Variants in CBY1 observed in about 807,000 individuals in gnomAD.
CBY1 encodes the protein protein chibby homolog 1.
In CBY1, 10 loss-of-function variants were observed where a neutral mutation model predicts 15.6. That is an observed-to-expected ratio of 0.64 (90% confidence interval 0.40 to 1.09). CBY1 has a LOEUF of 1.09. CBY1 is among the 50% of genes least tolerant of loss of function. CBY1 has a pLI of 0.01. For synonymous variants in CBY1, 61 were observed against 63.5 expected, an observed-to-expected ratio of 0.96 and a Z score of 0.19; for missense variants, 150 against 160.5, an observed-to-expected ratio of 0.93 and a Z score of 0.35.
rs2145779775 is a variant in CBY1 at position 38,662,230 on chromosome 22, A to C, written c.-39+5480A>C. Reference sequence around the variant, plus strand: ...GGTGGGAGAATCGCTTGAACCTGGGAGGTTGAGGCTGCAGTGAGCCGAGAT... The same window carrying C: ...GGTGGGAGAATCGCTTGAACCTGGGCGGTTGAGGCTGCAGTGAGCCGAGAT... On this transcript the variant is annotated intron_variant, in intron 1 of 4. Coordinates refer to ENST00000216029, the MANE Select transcript of CBY1 (RefSeq NM_015373.4). Among the ~76,000 whole-genome samples, 3 of 151,454 alleles carry C rather than the reference A, an allele frequency of 2.0e-5. No individual in the cohort carries two copies. In the South Asian group the frequency reaches 6.3e-4, roughly 32 times the overall value.
At chr22:38,668,976 G>A (rs1392496400) in intron 2 of CBY1, among the ~76,000 whole-genome samples, 2 of 152,180 alleles carry the variant, frequency 1.3e-5, no homozygotes, top group Non-Finnish European at 2.9e-5. Flanking sequence ...CCATGTGTGA[G>A]AGATGCAGAT....
At chr22:38,668,375 T>C in intron 2 of CBY1, 1 of 384,556 alleles carries the variant, frequency 2.6e-6, no homozygotes, top group East Asian at 5.2e-5. Context: ...TCCAAATTTT[T>C]TTTTTCTTTT....
chr22:38,664,774 C>T (rs2092431444), intron 1 of CBY1, among the ~76,000 whole-genome samples: 1 of 152,048 alleles, frequency 6.6e-6, no homozygotes, highest in African/African-American at 2.4e-5. Context: ...TAGTTATACC[C>T]CTAAGTATGG....
At chr22:38,662,830 A>G (rs1304900892) in intron 1 of CBY1, among the ~76,000 whole-genome samples, 1 of 152,188 alleles carries the variant, frequency 6.6e-6, no homozygotes, top group Non-Finnish European at 1.5e-5. Flanking sequence ...ATACAATACA[A>G]GCACTAATCA....
chr22:38,664,470 CAA>C (rs35322853), intron 1 of CBY1, among the ~76,000 whole-genome samples: 11 of 92,002 alleles, frequency 1.2e-4, no homozygotes, highest in East Asian at 5.9e-4. Flanking sequence ...GACTCCATCT[CAA>C]AAAAAAAAAA....
chr22:38,669,198 C>T (rs908638500), intron 2 of CBY1, among the ~76,000 whole-genome samples: 3 of 152,088 alleles, frequency 2.0e-5, no homozygotes, highest in Non-Finnish European at 4.4e-5. Flanking sequence ...ATTAGTTCCC[C>T]GTTATTACAG....
chr22:38,673,079 C>A (rs1378928653), intron 4 of CBY1, 80 bp from the exon 5 acceptor site: 2 of 937,378 alleles, frequency 2.1e-6, no homozygotes, highest in East Asian at 5.1e-5. Context: ...GCCTTTCCTC[C>A]GTGTGTAGGG....
chr22:38,657,132 CTTAGAA>C (rs1466850468), intron 1 of CBY1: 1 of 982,442 alleles, frequency 1.0e-6, no homozygotes, highest in Non-Finnish European at 1.2e-6. Flanking sequence ...CCCTTGTTTT[CTTAGAA>C]TTAAAGTAAG....
intron 1 of CBY1, among the ~76,000 whole-genome samples, chr22:38,661,627 T>C (rs954726304): frequency 1.3e-5 from 2 of 152,248 alleles, no homozygotes; most frequent in African/African-American, 4.8e-5. Flanking sequence ...TCATTAATTT[T>C]AGTGAGATCA....
intron 1 of CBY1, among the ~76,000 whole-genome samples, chr22:38,661,890 G>T (rs2092423163): frequency 6.6e-6 from 1 of 152,308 alleles, no homozygotes; most frequent in East Asian, 1.9e-4. Flanking sequence ...CGCCCAGGAG[G>T]AGCAGTGAGA....
intron 2 of CBY1, 61 bp downstream of exon 2, chr22:38,668,193 C>A: frequency 9.9e-7 from 1 of 1,008,756 alleles, no homozygotes; most frequent in Non-Finnish European, 1.6e-6. Context: ...GAGCGTGTCT[C>A]TGAATGGAAA....
chr22:38,671,215 C>A (rs2092451580), intron 4 of CBY1, 27 bp downstream of exon 4: 1 of 1,499,060 alleles, frequency 6.7e-7, no homozygotes, highest in Admixed American at 1.7e-5. Context: ...GGAAGAGAGG[C>A]CTAGCTTCTC....
At chr22:38,660,921 G>A (rs1242054092) in intron 1 of CBY1, among the ~76,000 whole-genome samples, 12 of 151,986 alleles carry the variant, frequency 7.9e-5, no homozygotes, top group Non-Finnish European at 1.5e-4. Context: ...TAAGATTACA[G>A]ACATAAGATT....
At chr22:38,669,320 G>A (rs111250990) in intron 2 of CBY1, among the ~76,000 whole-genome samples, 11 of 152,104 alleles carry the variant, frequency 7.2e-5, no homozygotes, top group African/African-American at 2.4e-4. Context: ...CCCAAGCCCC[G>A]TGTGAACCTC....
chr22:38,667,363 C>T (rs926974566), intron 1 of CBY1, among the ~76,000 whole-genome samples: 1 of 151,988 alleles, frequency 6.6e-6, no homozygotes. Flanking sequence ...GACTGGAGAG[C>T]AGCAGTGGAC....
At chr22:38,669,931 T>C (rs2092447627) in intron 2 of CBY1, 2 of 150,944 alleles carry the variant, frequency 1.3e-5, no homozygotes. Context: ...GACTCTACTT[T>C]AAAAAATACA....
At chr22:38,659,811 G>A (rs55670329) in intron 1 of CBY1, among the ~76,000 whole-genome samples, 5 of 137,268 alleles carry the variant, frequency 3.6e-5, no homozygotes, top group Non-Finnish European at 7.5e-5. Context: ...GCAGTGAGCC[G>A]ACATCGCACC....
In CBY1 at chr22:38,673,330, T is replaced by C; in HGVS notation, c.*94T>C. ...TTCAGTCCTGGAAGAGAGTATCATATAATGAGACCCACAGGCACTGGCACC... is the reference window on the plus strand; with the variant it reads ...TTCAGTCCTGGAAGAGAGTATCATACAATGAGACCCACAGGCACTGGCACC... On this transcript the variant is annotated 3_prime_UTR_variant, in exon 5 of 5. Transcript: ENST00000216029. 1.3e-6 allele frequency: 1 copy of C among 782,140 alleles called. No individual in the cohort carries two copies. 48.5% of individuals were successfully genotyped at this position (782,140 alleles called of 1,614,324 possible). A position where few individuals can be genotyped will look rare whatever the true frequency, so the allele number is the denominator to read the frequency against.
In CBY1 at chr22:38,668,002, T is replaced by C; in HGVS notation, c.-38-15T>C. 1.3e-6 allele frequency: 2 copies of C among 1,543,706 alleles called. No individual in the cohort carries two copies. The highest frequency in any genetic ancestry group is 1.8e-6 in the Non-Finnish European group (2 of 1,118,226). ...TGATCCAGCTGCTTGTACCCCTGACTTTTTCTGACCCTAGGAGAAGGGAGC... is the reference window on the plus strand; with the variant it reads ...TGATCCAGCTGCTTGTACCCCTGACCTTTTCTGACCCTAGGAGAAGGGAGC... On this transcript the variant is annotated splice_polypyrimidine_tract_variant and intron_variant, in intron 1 of 4. Transcript: ENST00000216029.
Sources: allele counts gnomAD v4.1 joint callset (sites outside exome capture counted in the v4.1 genomes callset), GRCh38; gene constraint gnomAD v4.1.1; transcripts MANE v1.5; gene names NCBI Gene and HGNC (gene_info 2026-07-23, HGNC 2026-07-21).